IL1RAPL2: variants seen among roughly 807,000 people sequenced by gnomAD.
IL1RAPL2 encodes X-linked interleukin-1 receptor accessory protein-like 2.
Under a neutral mutation model 44.1 loss-of-function variants are expected in IL1RAPL2, and 3 were observed. The ratio of observed to expected loss-of-function variants is 0.07; its 90% CI spans 0.03 to 0.18. The LOEUF (loss-of-function observed/expected upper bound fraction) is 0.18, where lower values mean the gene tolerates loss of function less well. Ranked by LOEUF, IL1RAPL2 falls within the 10% of genes least tolerant of loss-of-function variation. The probability of loss-of-function intolerance (pLI) is 1.00; values close to 1 mark genes in which losing one functional copy is unlikely to be tolerated. For synonymous variants in IL1RAPL2, 181 were observed against 178.8 expected (o/e 1.01, Z -0.10); for missense variants, 391 against 496.4 (o/e 0.79, Z 2.02).
chrX:104,762,826 G>A (rs760175409), intron 2 of IL1RAPL2, among the ~76,000 whole-genome samples: 1 of 111,189 alleles, frequency 9.0e-6, no homozygotes, highest in Non-Finnish European at 1.9e-5. Context: ...AGGACACCAA[G>A]TCCTGAGACT....
intron 6 of IL1RAPL2, among the ~76,000 whole-genome samples, chrX:105,696,764 G>GA (rs1765345233): frequency 9.0e-6 from 1 of 111,464 alleles, no homozygotes. Context: ...CGGGGACCAG[G>GA]AAAAACCTAG....
chrX:104,697,386 T>G (rs987750894), intron 2 of IL1RAPL2, among the ~76,000 whole-genome samples: 1 of 112,855 alleles, frequency 8.9e-6, no homozygotes, highest in African/African-American at 3.2e-5. Context: ...CTTCATGGTC[T>G]GTTGAACTGA....
chrX:105,743,099 G>T, intron 8 of IL1RAPL2, among the ~76,000 whole-genome samples: 1 of 111,296 alleles, frequency 9.0e-6, no homozygotes, highest in African/African-American at 3.3e-5. Context: ...CCAATTACCT[G>T]GATCATGGTA....
At chrX:104,849,733 G>A (rs1163700859) in intron 2 of IL1RAPL2, among the ~76,000 whole-genome samples, 4 of 110,447 alleles carry the variant, frequency 3.6e-5, no homozygotes, top group Admixed American at 2.9e-4. Context: ...TGACAATTTT[G>A]AATATATTTT....
At chrX:104,956,594 T>C (rs2029905774) in intron 2 of IL1RAPL2, among the ~76,000 whole-genome samples, 1 of 109,210 alleles carries the variant, frequency 9.2e-6, no homozygotes, top group African/African-American at 3.3e-5. Flanking sequence ...ACCGAGATGC[T>C]CCACTGCACT....
rs57867755 is a variant in IL1RAPL2, at chrX:104,657,322, A to C, written c.-19-1573A>C. On this transcript the variant is annotated intron_variant, in intron 1 of 10. Coordinates refer to ENST00000372582, the MANE Select transcript of IL1RAPL2 (RefSeq NM_017416.2). ...AGAGGCCTCAGAAATAACACCACAC[A>C]TCTACAACCATCTGATCTTTGACAA... 9.1e-4 allele frequency among the ~76,000 whole-genome samples: 101 copies of C among 111,469 alleles called. 3 individuals are homozygous for C. In the East Asian group the frequency reaches 0.025, roughly 28 times the overall value.
At chrX:105,054,475 A>G (rs774120867) in intron 2 of IL1RAPL2, among the ~76,000 whole-genome samples, 20 of 112,086 alleles carry the variant, frequency 1.8e-4, no homozygotes, top group Non-Finnish European at 3.2e-4. Context: ...TCCTTAAGAC[A>G]GAATCTTACT....
intron 2 of IL1RAPL2, among the ~76,000 whole-genome samples, chrX:105,194,083 T>A (rs782465542): frequency 8.9e-6 from 1 of 112,008 alleles, no homozygotes. Context: ...ATAGGCACAT[T>A]GTTTTGCCAA....
At chrX:105,712,662 A>G (rs751887805) in intron 6 of IL1RAPL2, among the ~76,000 whole-genome samples, 3 of 111,177 alleles carry the variant, frequency 2.7e-5, no homozygotes, top group Non-Finnish European at 5.7e-5. Context: ...AACTGCCCCC[A>G]TGATACAATC....
chrX:104,847,024 G>C (rs1189124069), intron 2 of IL1RAPL2, among the ~76,000 whole-genome samples: 3 of 111,916 alleles, frequency 2.7e-5, no homozygotes, highest in Non-Finnish European at 5.6e-5. Flanking sequence ...CATATCCTTT[G>C]CCCACTTTTT....
chrX:104,604,493 TTA>T (rs1602639377), intron 1 of IL1RAPL2, among the ~76,000 whole-genome samples: 1 of 110,362 alleles, frequency 9.1e-6, no homozygotes, highest in Non-Finnish European at 1.9e-5. Context: ...AGTGCTCCAG[TTA>T]AAAGACACAG....
chrX:104,702,576 T>C (rs1418919869), intron 2 of IL1RAPL2, among the ~76,000 whole-genome samples: 1 of 112,378 alleles, frequency 8.9e-6, no homozygotes, highest in Non-Finnish European at 1.9e-5. Context: ...AAAGTCCTCC[T>C]ACACATTAAT....
chrX:104,646,069 A>T (rs972021870), intron 1 of IL1RAPL2, among the ~76,000 whole-genome samples: 5 of 112,011 alleles, frequency 4.5e-5, no homozygotes, highest in African/African-American at 1.6e-4. Context: ...AAAATTATTG[A>T]CTTGATTGAA....
rs60004058 is a variant in IL1RAPL2 at position 105,590,859 on chromosome X, TTGTGTGTGTG to T, written c.772+106490_772+106499del. 1.0e-4 allele frequency among the ~76,000 whole-genome samples: 9 copies of T among 88,620 alleles called. No homozygotes were observed. The South Asian group carries it at 4.3e-3, about 42-fold the overall frequency. The allele number at this position is 88,620 out of a possible 115,157, so 77.0% of individuals were successfully genotyped here. A position where few individuals can be genotyped will look rare whatever the true frequency, so the allele number is the denominator to read the frequency against. ...TGTGTGTGTGTGTGTTTGTGTGTGTTTGTGTGTGTGTGTGTGTGTGTGTGTGTATCTCTGC... is the reference window on the plus strand; with the variant it reads ...TGTGTGTGTGTGTGTTTGTGTGTGTTTGTGTGTGTGTGTGTGTATCTCTGC... On this transcript the variant is annotated intron_variant, in intron 6 of 10. Transcript: ENST00000372582.
intron 3 of IL1RAPL2, among the ~76,000 whole-genome samples, chrX:105,207,758 A>AC (rs1395090913): frequency 8.9e-6 from 1 of 111,863 alleles, no homozygotes; most frequent in African/African-American, 3.2e-5. Context: ...TCAGGAACTA[A>AC]CCTGCCATAC....
At chrX:104,578,719 C>T (rs1161279573) in intron 1 of IL1RAPL2, among the ~76,000 whole-genome samples, 2 of 111,206 alleles carry the variant, frequency 1.8e-5, no homozygotes, top group African/African-American at 6.5e-5. Context: ...GAGGGATGTT[C>T]CAGGAAAATT....
intron 2 of IL1RAPL2, among the ~76,000 whole-genome samples, chrX:104,820,736 C>T (rs888385601): frequency 3.6e-5 from 4 of 112,043 alleles, no homozygotes; most frequent in Non-Finnish European, 7.5e-5. Flanking sequence ...AATATCTTAG[C>T]GTCTCTGAAT....
chrX:105,323,636 G>A (rs2034468933), intron 5 of IL1RAPL2, among the ~76,000 whole-genome samples: 3 of 111,668 alleles, frequency 2.7e-5, no homozygotes, highest in African/African-American at 9.8e-5. Context: ...AGCACTTTGG[G>A]AGGCCAAGGG....
chrX:104,775,402 G>A (rs754808112), intron 2 of IL1RAPL2, among the ~76,000 whole-genome samples: 11 of 112,088 alleles, frequency 9.8e-5, no homozygotes, highest in Non-Finnish European at 1.9e-4. Context: ...GGGAAATACA[G>A]TCTGTTATGG....
Sources: gnomAD v4.1 joint callset for allele counts (sites outside exome capture counted in the v4.1 genomes callset) on GRCh38, gnomAD v4.1.1 for gene constraint, MANE v1.5 for transcripts, NCBI Gene and HGNC (gene_info 2026-07-23, HGNC 2026-07-21) for gene names.